Variants in SPEF2 observed in about 807,000 individuals in gnomAD.
SPEF2 encodes the protein sperm flagella and cilia-associated protein 2.
In SPEF2, 187 loss-of-function variants were observed where a neutral mutation model predicts 224.6. That is an observed-to-expected ratio of 0.83 (90% CI 0.74 to 0.94). The LOEUF (loss-of-function observed/expected upper bound fraction) is 0.94. Ranked by LOEUF, SPEF2 falls within the 40% of genes least tolerant of loss-of-function variation. The pLI, the probability that SPEF2 is intolerant of heterozygous loss-of-function variation, is 0.00. For synonymous variants in SPEF2, 715 were observed against 707.3 expected (o/e 1.01, Z -0.17); for missense variants, 2,170 against 2,135.6 (o/e 1.02, Z -0.32).
chr5:35,624,828 G>T (rs1443889263), intron 1 of SPEF2, among the ~76,000 whole-genome samples: 1 of 152,088 alleles, frequency 6.6e-6, no homozygotes, highest in Non-Finnish European at 1.5e-5. Context: ...GTAGAGACAG[G>T]GTTTCATCAT....
At chr5:35,640,119 A>C (rs1314930779) in intron 2 of SPEF2, among the ~76,000 whole-genome samples, 9 of 152,220 alleles carry the variant, frequency 5.9e-5, no homozygotes, top group Non-Finnish European at 1.2e-4. Context: ...TCTGGGAGCC[A>C]CATGATACAA....
At chr5:35,771,489 G>A (rs1187412442) in intron 26 of SPEF2, 120 bp from the exon 27 acceptor site, 27 of 1,282,112 alleles carry the variant, frequency 2.1e-5, no homozygotes, top group Middle Eastern at 2.8e-4. Flanking sequence ...GTTCGAGTAC[G>A]TGGGCACAAT....
chr5:35,793,808 GATGAATGATGAGATT>G (rs1042593992), intron 32 of SPEF2, among the ~76,000 whole-genome samples: 1 of 151,956 alleles, frequency 6.6e-6, no homozygotes, highest in Non-Finnish European at 1.5e-5. Context: ...GTGAGAGGGT[GATGAATGATGAGATT>G]ATTTTTGAGA....
Position 35,759,553 on chromosome 5 carries a change from C to T in SPEF2, c.3469-15C>T, listed in dbSNP as rs1253560924. On this transcript the variant is annotated splice_polypyrimidine_tract_variant and intron_variant, in intron 24 of 36. Coordinates refer to ENST00000356031, the MANE Select transcript of SPEF2 (RefSeq NM_024867.4). ...GTTCTTTCTTGGATATTAACATTCA[C>T]ATTTGCTATTAAAGGCAGAGCTGAA... 7.1e-6 allele frequency: 11 copies of T among 1,555,434 alleles called. No homozygotes were observed. The highest frequency in any genetic ancestry group is 2.3e-5 in the East Asian group (1 of 43,918).
intron 36 of SPEF2, among the ~76,000 whole-genome samples, chr5:35,813,727 C>T (rs1035941974): frequency 4.5e-4 from 68 of 152,062 alleles, no homozygotes; most frequent in African/African-American, 1.5e-3. Flanking sequence ...TGAACAAACT[C>T]ATGTCTTCTC....
chr5:35,632,158 C>G (rs1200940267), intron 2 of SPEF2, among the ~76,000 whole-genome samples: 1 of 152,094 alleles, frequency 6.6e-6, no homozygotes, highest in Non-Finnish European at 1.5e-5. Flanking sequence ...AGTAGTACCC[C>G]ACTCTGTCCG....
rs79620752 is a variant in SPEF2 at position 35,694,182 on chromosome 5, A to G, written c.1900-106A>G. On this transcript the variant is annotated intron_variant, in intron 12 of 36. Coordinates refer to ENST00000356031, the MANE Select transcript of SPEF2 (RefSeq NM_024867.4). ...AAAATCATTAATGTTATAGACAAAA[A>G]GTATTGTATTTGTTCTCAAACCTTT... is the stretch of plus-strand genomic sequence containing the variant. 4.3e-4 allele frequency: 348 copies of G among 801,580 alleles called. 1 individual carries two copies. In the African/African-American group the frequency reaches 5.5e-3, roughly 13 times the overall value. The allele number at this position is 801,580 out of a possible 1,614,324, so 49.7% of individuals were successfully genotyped here.
At chr5:35,723,737 G>A (rs1053233303) in intron 20 of SPEF2, among the ~76,000 whole-genome samples, 2 of 152,172 alleles carry the variant, frequency 1.3e-5, no homozygotes, top group Admixed American at 6.5e-5. Context: ...ACAAGGTGAT[G>A]GAGGAAGTAT....
chr5:35,664,419 G>T (rs368252367), intron 8 of SPEF2, among the ~76,000 whole-genome samples: 1 of 152,112 alleles, frequency 6.6e-6, no homozygotes. Flanking sequence ...GGCTGACCAT[G>T]GTGGCTCACA....
chr5:35,671,292 T>C (rs573175891), intron 10 of SPEF2: 1 of 971,356 alleles, frequency 1.0e-6, no homozygotes, highest in Non-Finnish European at 1.2e-6. Flanking sequence ...GAAGATAACC[T>C]TGTGGTTAAA....
intron 5 of SPEF2, among the ~76,000 whole-genome samples, chr5:35,647,687 G>A (rs1041752493): frequency 3.3e-5 from 5 of 152,032 alleles, no homozygotes; most frequent in African/African-American, 1.2e-4. Flanking sequence ...GGTACAGCAG[G>A]GGCCAGTCAA....
chr5:35,720,636 C>A (rs1743470009), intron 20 of SPEF2, among the ~76,000 whole-genome samples: 1 of 152,166 alleles, frequency 6.6e-6, no homozygotes, highest in Non-Finnish European at 1.5e-5. Flanking sequence ...AATAACTTAA[C>A]ATAACAACCT....
intron 21 of SPEF2, among the ~76,000 whole-genome samples, chr5:35,732,304 A>G (rs2149669654): frequency 6.6e-6 from 1 of 152,228 alleles, no homozygotes; most frequent in Middle Eastern, 3.4e-3. Context: ...TTAGGAGGCA[A>G]CTCTTCATGC....
intron 2 of SPEF2, among the ~76,000 whole-genome samples, chr5:35,640,240 T>C (rs995809228): frequency 3.4e-4 from 52 of 152,258 alleles, no homozygotes; most frequent in African/African-American, 1.1e-3. Context: ...TGAATTAACA[T>C]GCCCCTAAAA....
intron 31 of SPEF2, 108 bp downstream of exon 31, chr5:35,792,554 G>A (rs936963769): frequency 1.5e-5 from 12 of 802,796 alleles, no homozygotes; most frequent in Non-Finnish European, 2.0e-5. Flanking sequence ...ACATTTAGTA[G>A]GCAATCAATG....
At chr5:35,732,830 A>G (rs1745858216) in intron 21 of SPEF2, among the ~76,000 whole-genome samples, 1 of 152,202 alleles carries the variant, frequency 6.6e-6, no homozygotes, top group Non-Finnish European at 1.5e-5. Flanking sequence ...GTACAGTACA[A>G]TGAGGTATTT....
At chr5:35,700,820 A>G in intron 16 of SPEF2, 68 bp downstream of exon 16, 2 of 1,482,010 alleles carry the variant, frequency 1.3e-6, no homozygotes, top group South Asian at 1.2e-5. Flanking sequence ...ATCAGTGAAT[A>G]CTCCCATTTA....
intron 18 of SPEF2, among the ~76,000 whole-genome samples, chr5:35,707,203 T>C (rs1284094524): frequency 1.3e-5 from 2 of 152,216 alleles, no homozygotes; most frequent in African/African-American, 2.4e-5. Context: ...CTGACCACAA[T>C]ATACTGTTAA....
rs752871561 is a variant in SPEF2, at chr5:35,704,593, G to A, written c.2438G>A (p.Ser813Asn). 8.1e-6 allele frequency: 13 copies of A among 1,612,802 alleles called. No individual in the cohort carries two copies. In the East Asian group the frequency reaches 2.7e-4, roughly 33 times the overall value. Residue 813 changes from serine (S) to asparagine (N), a missense_variant, in exon 17 of 37, where the codon AGT (serine) becomes AAT (asparagine). Transcript: ENST00000356031. ...TATAAAACTGCTCACGAAGATATCA[G>A]TCAACGTGTAGCTGCTGAAAACCAA... ...LSYKTAHEDI[S>N]QRVAAENQDK... is the part of the protein sequence containing the mutation.
Sources: allele counts gnomAD v4.1 joint callset (sites outside exome capture counted in the v4.1 genomes callset), GRCh38; gene constraint gnomAD v4.1.1; transcripts MANE v1.5; gene names NCBI Gene and HGNC (gene_info 2026-07-23, HGNC 2026-07-21).